Variants in CNTNAP2 observed in about 807,000 individuals in gnomAD.
The protein encoded by CNTNAP2 is contactin associated protein 2.
CNTNAP2 carries 98 observed loss-of-function variants against 155.2 expected under a neutral mutation model. The ratio of observed to expected loss-of-function variants is 0.63; its 90% CI spans 0.54 to 0.75. CNTNAP2 has a LOEUF of 0.75. Ranked by LOEUF, CNTNAP2 falls within the 30% of genes least tolerant of loss-of-function variation. The pLI, the probability that CNTNAP2 is intolerant of heterozygous loss-of-function variation, is 0.00. For missense variants in CNTNAP2, 1,727 were observed against 1,688.1 expected (o/e 1.02, Z -0.40); for synonymous variants, 651 against 631.2 (o/e 1.03, Z -0.47).
At chr7:146,472,129 G>C (rs1020985307) in intron 1 of CNTNAP2, among the ~76,000 whole-genome samples, 1 of 152,182 alleles carries the variant, frequency 6.6e-6, no homozygotes, top group Admixed American at 6.5e-5. Context: ...ATAGGCCACT[G>C]TTCTGTATGG....
At chr7:147,588,731 G>A (rs1243610853) in intron 12 of CNTNAP2, among the ~76,000 whole-genome samples, 1 of 152,102 alleles carries the variant, frequency 6.6e-6, no homozygotes, top group East Asian at 1.9e-4. Context: ...GCCTCTTCAG[G>A]CAACTGACAT....
intron 1 of CNTNAP2, among the ~76,000 whole-genome samples, chr7:146,256,321 T>C (rs1799836165): frequency 6.6e-6 from 1 of 152,194 alleles, no homozygotes; most frequent in South Asian, 2.1e-4. Context: ...ATGGAACATA[T>C]AATAAAATGT....
intron 15 of CNTNAP2, among the ~76,000 whole-genome samples, chr7:148,030,930 A>G (rs1802466001): frequency 1.3e-5 from 2 of 152,248 alleles, no homozygotes; most frequent in South Asian, 4.1e-4. Flanking sequence ...ATTGCACCAG[A>G]CACTCATTAA....
At position 146,205,383 on chromosome 7, in the gene CNTNAP2, A is replaced by G. The variant is rs558231881; in HGVS notation, c.97+88410A>G. ...TGTATTCTGAGTCAAAGACTATTCT[A>G]GAAACTGTAGAACATTGGAAACTAA... On this transcript the variant is annotated intron_variant, in intron 1 of 23. Transcript: ENST00000361727. 1.1e-4 allele frequency among the ~76,000 whole-genome samples: 16 copies of G among 152,082 alleles called. 1 individual carries two copies. The South Asian group carries it at 1.2e-3, about 12-fold the overall frequency.
chr7:147,463,799 A>G (rs1303223782), intron 10 of CNTNAP2, among the ~76,000 whole-genome samples: 1 of 152,216 alleles, frequency 6.6e-6, no homozygotes, highest in Non-Finnish European at 1.5e-5. Flanking sequence ...GTAAAATAGC[A>G]AGGACCATAA....
intron 1 of CNTNAP2, among the ~76,000 whole-genome samples, chr7:146,317,023 TA>T (rs1182664610): frequency 6.6e-6 from 1 of 152,208 alleles, no homozygotes; most frequent in Admixed American, 6.5e-5. Context: ...ATGTACCGCA[TA>T]CCATGATGGA....
rs563476095 is a variant in CNTNAP2 at position 146,679,711 on chromosome 7, C to T, written c.98-94560C>T. On this transcript the variant is annotated intron_variant, in intron 1 of 23. Transcript: ENST00000361727. ...CTTTCCTTTCTCTGTCTTCATTCTG[C>T]ATTTATCTTTCCCTCTTTTCTCTGT... Among the ~76,000 whole-genome samples the T allele has an allele frequency of 2.6e-5, 4 of 152,136 alleles. No individual in the cohort carries two copies. In the East Asian group the frequency reaches 5.8e-4, roughly 22 times the overall value.
chr7:146,752,339 C>A (rs1190312344), intron 1 of CNTNAP2, among the ~76,000 whole-genome samples: 1 of 152,182 alleles, frequency 6.6e-6, no homozygotes, highest in Admixed American at 6.5e-5. Flanking sequence ...GAGGTGGCAT[C>A]TCATTGTGGT....
At chr7:147,123,189 A>G (rs558353872) in intron 6 of CNTNAP2, among the ~76,000 whole-genome samples, 56 of 152,284 alleles carry the variant, frequency 3.7e-4, no homozygotes, top group Admixed American at 1.5e-3. Context: ...AGAAATTTCT[A>G]TCTTCTCTAA....
At chr7:148,057,935 T>A (rs1803051571) in intron 15 of CNTNAP2, among the ~76,000 whole-genome samples, 1 of 148,014 alleles carries the variant, frequency 6.8e-6, no homozygotes, top group African/African-American at 2.5e-5. Context: ...GCTTCCTGCA[T>A]GACTCAGCTT....
chr7:146,978,713 T>C (rs1483577951), intron 3 of CNTNAP2, among the ~76,000 whole-genome samples: 1 of 151,110 alleles, frequency 6.6e-6, no homozygotes, highest in Non-Finnish European at 1.5e-5. Flanking sequence ...ATATATATAA[T>C]ATATATATTT....
chr7:147,002,560 G>A (rs576879297), intron 3 of CNTNAP2, among the ~76,000 whole-genome samples: 1 of 152,080 alleles, frequency 6.6e-6, no homozygotes, highest in Non-Finnish European at 1.5e-5. Flanking sequence ...TTCATGCCAA[G>A]CAAGCTACTA....
intron 8 of CNTNAP2, among the ~76,000 whole-genome samples, chr7:147,186,365 C>T (rs956693786): frequency 2.0e-5 from 3 of 152,134 alleles, no homozygotes; most frequent in Admixed American, 1.3e-4. Flanking sequence ...TTCTGTGCCT[C>T]ATATAAATTA....
At chr7:148,193,139 T>C (rs571277507) in intron 18 of CNTNAP2, among the ~76,000 whole-genome samples, 2 of 152,374 alleles carry the variant, frequency 1.3e-5, no homozygotes, top group African/African-American at 4.8e-5. Flanking sequence ...CAAATATTTT[T>C]CCTACATGGT....
intron 1 of CNTNAP2, among the ~76,000 whole-genome samples, chr7:146,137,846 T>A (rs1797819723): frequency 6.6e-6 from 1 of 151,904 alleles, no homozygotes; most frequent in Non-Finnish European, 1.5e-5. Context: ...AAAAGGTTTT[T>A]ATTTTAAAAA....
chr7:146,474,835 A>T (rs1584942083), intron 1 of CNTNAP2, among the ~76,000 whole-genome samples: 1 of 152,196 alleles, frequency 6.6e-6, no homozygotes, highest in African/African-American at 2.4e-5. Context: ...TGTATTGCTC[A>T]ATCTGATGCT....
At chr7:147,261,442 A>G (rs1409748750) in intron 8 of CNTNAP2, among the ~76,000 whole-genome samples, 1 of 152,190 alleles carries the variant, frequency 6.6e-6, no homozygotes, top group African/African-American at 2.4e-5. Flanking sequence ...TTGCATTTCT[A>G]AATAGCTCCA....
At chr7:147,248,563 T>G (rs1263582864) in intron 8 of CNTNAP2, among the ~76,000 whole-genome samples, 1 of 152,206 alleles carries the variant, frequency 6.6e-6, no homozygotes, top group Non-Finnish European at 1.5e-5. Context: ...CCAAACTCTC[T>G]TAATAGTCCC....
rs776330663 is a variant in CNTNAP2, at chr7:147,639,125, A to G, written c.1917A>G (p.Ile639Met). 1 of 1,614,110 alleles carries G rather than the reference A, an allele frequency of 6.2e-7. No individual in the cohort carries two copies. The highest frequency in any genetic ancestry group is 1.3e-5 in the African/African-American group (1 of 75,042). ...CNMTEDKVWT[I>M]VSHDLQMQTP... ...CCACAGAGGACAAAGTGTGGACCATAGTGTCTCATGACTTGCAGATGCAGA... is the reference window on the plus strand; with the variant it reads ...CCACAGAGGACAAAGTGTGGACCATGGTGTCTCATGACTTGCAGATGCAGA... The change falls in exon 13 of 24, where the codon ATA (isoleucine) becomes ATG (methionine). Residue 639 changes from isoleucine (I) to methionine (M), a missense_variant. Coordinates refer to ENST00000361727, the MANE Select transcript of CNTNAP2 (RefSeq NM_014141.6).
Sources: allele counts gnomAD v4.1 joint callset (sites outside exome capture counted in the v4.1 genomes callset), GRCh38; gene constraint gnomAD v4.1.1; transcripts MANE v1.5; gene names NCBI Gene and HGNC (gene_info 2026-07-23, HGNC 2026-07-21).